ADAMTS16: variants seen among roughly 807,000 people sequenced by gnomAD.
ADAMTS16 encodes ADAM metallopeptidase with thrombospondin type 1 motif 16.
In ADAMTS16, 94 loss-of-function variants were observed where a neutral mutation model predicts 145.8. That is an observed-to-expected ratio of 0.64 (90% CI 0.55 to 0.77). The LOEUF (loss-of-function observed/expected upper bound fraction) is 0.77, where lower values mean the gene tolerates loss of function less well. ADAMTS16 is among the 30% of genes least tolerant of loss of function. ADAMTS16 has a pLI of 0.00. For missense variants in ADAMTS16, 1,585 were observed against 1,591.5 expected (o/e 1.00, Z 0.07); for synonymous variants, 659 against 604.3 (o/e 1.09, Z -1.33).
chr5:5,199,821 C>T (rs1248702623), intron 8 of ADAMTS16, among the ~76,000 whole-genome samples: 2 of 152,188 alleles, frequency 1.3e-5, no homozygotes, highest in African/African-American at 4.8e-5. Context: ...AAAGAAGCTA[C>T]ATAGAGCAGT....
At chr5:5,158,153 A>G (rs1011382337) in intron 3 of ADAMTS16, among the ~76,000 whole-genome samples, 1 of 152,114 alleles carries the variant, frequency 6.6e-6, no homozygotes, top group African/African-American at 2.4e-5. Flanking sequence ...TTTTCTCTTT[A>G]TGAAGACTTA....
intron 18 of ADAMTS16, among the ~76,000 whole-genome samples, chr5:5,283,518 T>G (rs1274985716): frequency 6.6e-6 from 1 of 151,734 alleles, no homozygotes; most frequent in African/African-American, 2.4e-5. Flanking sequence ...TCAAGCTCTG[T>G]GTCTACCAAT....
At chr5:5,228,614 T>C (rs1736833830) in intron 11 of ADAMTS16, among the ~76,000 whole-genome samples, 1 of 152,152 alleles carries the variant, frequency 6.6e-6, no homozygotes, top group South Asian at 2.1e-4. Flanking sequence ...TCTAGTTTTC[T>C]CAATAAAAGG....
intron 11 of ADAMTS16, among the ~76,000 whole-genome samples, 172 bp from the exon 12 acceptor site, chr5:5,232,196 A>C (rs1736946771): frequency 6.6e-6 from 1 of 151,924 alleles, no homozygotes; most frequent in Non-Finnish European, 1.5e-5. Flanking sequence ...AGGAAAAAAA[A>C]AACAACATTG....
At chr5:5,285,429 T>C (rs1305439978) in intron 18 of ADAMTS16, among the ~76,000 whole-genome samples, 2 of 152,186 alleles carry the variant, frequency 1.3e-5, no homozygotes, top group Admixed American at 6.5e-5. Flanking sequence ...TGTTCCAAAC[T>C]CGGGTGCAGC....
At chr5:5,302,363 G>C (rs151211139) in intron 18 of ADAMTS16, among the ~76,000 whole-genome samples, 6 of 152,308 alleles carry the variant, frequency 3.9e-5, no homozygotes, top group Non-Finnish European at 7.3e-5. Flanking sequence ...AATCAGACAT[G>C]ATGAGCCTCC....
In ADAMTS16 at chr5:5,169,313, G is replaced by A. The variant is rs530849455; in HGVS notation, c.502-12731G>A. Among the ~76,000 whole-genome samples, 9 of 152,302 alleles carry A rather than the reference G, an allele frequency of 5.9e-5. No individual in the cohort carries two copies. In the South Asian group the frequency reaches 1.2e-3, roughly 21 times the overall value. ...GAAAACATTCATGCTTAGCTGCTAC[G>A]AATTCTCACAGAAGGCCCCTCCAGT... On this transcript the variant is annotated intron_variant, in intron 3 of 22. Transcript: ENST00000274181.
intron 8 of ADAMTS16, among the ~76,000 whole-genome samples, chr5:5,193,929 C>A (rs779622365): frequency 1.5e-4 from 23 of 151,828 alleles, no homozygotes; most frequent in Non-Finnish European, 2.8e-4. Flanking sequence ...AGTAAGACCC[C>A]ATTTCTACAA....
At chr5:5,263,435 G>C (rs113436986) in intron 18 of ADAMTS16, among the ~76,000 whole-genome samples, 4 of 152,334 alleles carry the variant, frequency 2.6e-5, no homozygotes, top group African/African-American at 9.6e-5. Context: ...TCTTTACATG[G>C]GACATGTCAC....
chr5:5,150,044 A>G (rs1484199917), intron 3 of ADAMTS16, among the ~76,000 whole-genome samples: 1 of 152,188 alleles, frequency 6.6e-6, no homozygotes, highest in Non-Finnish European at 1.5e-5. Flanking sequence ...TCTTGGGTAA[A>G]TACCTAGGAG....
At position 5,318,103 on chromosome 5, in the gene ADAMTS16, C is replaced by T. The variant is rs183247824; in HGVS notation, c.3412-31C>T. The T allele has an allele frequency of 1.7e-4, 225 of 1,355,206 alleles. 1 individual carries two copies. In the African/African-American group the frequency reaches 2.8e-3, roughly 17 times the overall value. 83.9% of individuals were successfully genotyped at this position (1,355,206 alleles called of 1,614,324 possible). A position where few individuals can be genotyped will look rare whatever the true frequency, so the allele number is the denominator to read the frequency against. On this transcript the variant is annotated intron_variant, in intron 21 of 22. Transcript: ENST00000274181. ...TGACCAGGTGCCTGAGAGCCTGGGG[C>T]CATGGTGACATGTGTGTGTTGCTCT...
In ADAMTS16 at chr5:5,304,989, CCA is replaced by C. The variant is rs201782122; in HGVS notation, c.3186+1238_3186+1239del. 5.1e-4 allele frequency among the ~76,000 whole-genome samples: 29 copies of C among 57,206 alleles called. 1 individual carries two copies. Among genetic ancestry groups the C allele is most frequent in the Middle Eastern group, 0.01 (1 of 96 alleles). The allele number at this position is 57,206 out of a possible 152,430, so 37.5% of individuals were successfully genotyped here. A position where few individuals can be genotyped will look rare whatever the true frequency, so the allele number is the denominator to read the frequency against. On this transcript the variant is annotated intron_variant, in intron 20 of 22. Transcript: ENST00000274181. ...CACACACACACACACACATCCTACA[CCA>C]CACACACACACACATCCCACACCAC... is the stretch of plus-strand genomic sequence containing the variant.
rs1230891459 is a variant in ADAMTS16, at chr5:5,239,902, A to C, written c.2500A>C (p.Thr834Pro). Residue 834 changes from threonine (T) to proline (P), a missense_variant, in exon 16 of 23, where the codon ACC (threonine) becomes CCC (proline). Thr to Pro is a conservative substitution (Grantham distance 38). Coordinates refer to ENST00000274181, the MANE Select transcript of ADAMTS16 (RefSeq NM_139056.4). Reference protein sequence around the residue: ...EPENLIATGPTNETLIVELLF... With the variant: ...EPENLIATGPPNETLIVELLF... ...CGAGAACTTAATCGCTACTGGACCA[A>C]CCAACGAGACACTGATTGTGGAGGT... 1.2e-6 allele frequency: 2 copies of C among 1,613,914 alleles called. No individual in the cohort carries two copies. Among genetic ancestry groups the C allele is most frequent in the Non-Finnish European group, 8.5e-7 (1 of 1,180,018 alleles).
intron 21 of ADAMTS16, among the ~76,000 whole-genome samples, chr5:5,314,183 G>T (rs76788537): frequency 1.3e-5 from 2 of 152,196 alleles, no homozygotes; most frequent in Non-Finnish European, 2.9e-5. Flanking sequence ...GAAGCTCTAA[G>T]CTGGGAGAGA....
At position 5,232,489 on chromosome 5, in the gene ADAMTS16, A is replaced by T; in HGVS notation, c.1823A>T (p.His608Leu). 3 of 1,613,484 alleles carry T rather than the reference A, an allele frequency of 1.9e-6. No homozygotes were observed. The highest frequency in any genetic ancestry group is 2.5e-6 in the Non-Finnish European group (3 of 1,179,734). Residue 608 changes from histidine (H) to leucine (L), a missense_variant, in exon 12 of 23, where the codon CAT becomes CTT. Physicochemically the swap from His to Leu is moderately conservative, Grantham distance 99 (BLOSUM62 -3). Coordinates refer to ENST00000274181, the MANE Select transcript of ADAMTS16 (RefSeq NM_139056.4). ...CSRTCGGGVS[H>L]RSRLCTNPKP... ...AGGACCTGCGGAGGGGGAGTATCTCATAGGAGTCGCCTCTGCACCAACCCC... is the reference window on the plus strand; with the variant it reads ...AGGACCTGCGGAGGGGGAGTATCTCTTAGGAGTCGCCTCTGCACCAACCCC...
In ADAMTS16 at chr5:5,209,155, A is replaced by G. The variant is rs761608675; in HGVS notation, c.1514A>G (p.Glu505Gly). The G allele has an allele frequency of 6.2e-7, 1 of 1,614,092 alleles. No homozygotes were observed. Among genetic ancestry groups the G allele is most frequent in the South Asian group, 1.1e-5 (1 of 91,072 alleles). Residue 505 changes from glutamate (E) to glycine (G), a missense_variant, in exon 10 of 23, where the codon GAG becomes GGG. Transcript: ENST00000274181. ...PKPVKEYKYPEKLPGELYDAN... is the reference protein window; with the variant it reads ...PKPVKEYKYPGKLPGELYDAN... Reference sequence around the variant, plus strand: ...CCTGTGAAGGAATACAAGTATCCTGAGAAATTGCCAGGAGAATTATATGAT... The same window carrying G: ...CCTGTGAAGGAATACAAGTATCCTGGGAAATTGCCAGGAGAATTATATGAT...
intron 3 of ADAMTS16, among the ~76,000 whole-genome samples, chr5:5,177,011 AGAT>A (rs1735216049): frequency 6.6e-6 from 1 of 152,224 alleles, no homozygotes; most frequent in Non-Finnish European, 1.5e-5. Flanking sequence ...GTCAACCTCC[AGAT>A]GACTCCTTCC....
intron 8 of ADAMTS16, among the ~76,000 whole-genome samples, chr5:5,194,060 C>G (rs1360792404): frequency 6.6e-6 from 1 of 151,946 alleles, no homozygotes; most frequent in African/African-American, 2.4e-5. Context: ...TGAGATTGCA[C>G]CACTGCACTC....
intron 11 of ADAMTS16, among the ~76,000 whole-genome samples, chr5:5,226,489 C>T (rs905803726): frequency 6.6e-6 from 1 of 152,156 alleles, no homozygotes; most frequent in African/African-American, 2.4e-5. Flanking sequence ...ACTGTGGGAG[C>T]TACATTTCAG....
Sources: allele counts gnomAD v4.1 joint callset (sites outside exome capture counted in the v4.1 genomes callset), GRCh38; gene constraint gnomAD v4.1.1; transcripts MANE v1.5; gene names NCBI Gene and HGNC (gene_info 2026-07-23, HGNC 2026-07-21).